The following MRPL55 variants were observed in gnomAD, a reference collection of about 807,000 sequenced individuals.
The protein encoded by MRPL55 is mitochondrial ribosomal protein L55.
MRPL55 carries 7 observed loss-of-function variants against 10.6 expected under a neutral mutation model. The observed-to-expected ratio is 0.66, with a 90% CI of 0.38 to 1.24. The LOEUF (loss-of-function observed/expected upper bound fraction) is 1.24. Among genes scored for constraint, MRPL55 ranks in the 50% most tolerant of loss-of-function variants. MRPL55 has a pLI of 0.02. For missense variants in MRPL55, 148 were observed against 180.3 expected (o/e 0.82, Z 1.03); for synonymous variants, 57 against 71.8 (o/e 0.79, Z 1.04).
In MRPL55 at chr1:228,108,235, C is replaced by G. The variant is rs2033409999; in HGVS notation, c.26G>C (p.Gly9Ala). 2 of 1,610,904 alleles carry G rather than the reference C, an allele frequency of 1.2e-6. No homozygotes were observed. The highest frequency in any genetic ancestry group is 1.3e-5 in the African/African-American group (1 of 74,880). Residue 9 changes from glycine (G) to alanine (A), a missense_variant and splice_region_variant, in exon 3 of 5, where the codon GGC (glycine) becomes GCC (alanine). Transcript: ENST00000336520. Reference protein sequence around the residue: MAAVGSLLGRLRQSTVKAT... With the variant: MAAVGSLLARLRQSTVKAT... ...CAGGGACCTAAAAGTCCATGCTTAC[C>G]CAAGCAGGCTGCCCACGGCCGCCAT...
intron 2 of MRPL55, 57 bp from the exon 3 acceptor site, chr1:228,108,375 GTTTC>G (rs1222540561): frequency 8.6e-7 from 1 of 1,160,396 alleles, no homozygotes; most frequent in Non-Finnish European, 1.2e-6. Context: ...CCACCTAATG[GTTTC>G]TTATCAAATC....
At chr1:228,107,611 C>T (rs1358637083) in intron 4 of MRPL55, 57 bp downstream of exon 4, 1 of 1,538,530 alleles carries the variant, frequency 6.5e-7, no homozygotes, top group Non-Finnish European at 8.9e-7. Flanking sequence ...ACCAGCACCC[C>T]CACCACAGCC....
At chr1:228,107,969 G>A (rs749117344) in intron 3 of MRPL55, 100 bp from the exon 4 acceptor site, 1 of 1,555,180 alleles carries the variant, frequency 6.4e-7, no homozygotes, top group South Asian at 1.2e-5. Flanking sequence ...GGCCACAGGA[G>A]ACATTACCAG....
chr1:228,108,066 C>G, intron 3 of MRPL55, 169 bp downstream of exon 3: 1 of 1,539,392 alleles, frequency 6.5e-7, no homozygotes, highest in African/African-American at 1.4e-5. Context: ...GGCCCCCTAG[C>G]CAGGAAGAGG....
In MRPL55 at chr1:228,108,222, A is replaced by C; in HGVS notation, c.26+13T>G. 6.2e-7 allele frequency: 1 copy of C among 1,610,254 alleles called. No homozygotes were observed. The highest frequency in any genetic ancestry group is 8.5e-7 in the Non-Finnish European group (1 of 1,178,598). On this transcript the variant is annotated intron_variant, in intron 3 of 4. Transcript: ENST00000336520. ...TGACAGTAATCCCCAGGGACCTAAA[A>C]GTCCATGCTTACCCAAGCAGGCTGC...
intron 4 of MRPL55, 21 bp downstream of exon 4, chr1:228,107,647 C>A (rs1330755778): frequency 1.2e-6 from 2 of 1,611,314 alleles, no homozygotes; most frequent in Non-Finnish European, 1.7e-6. Flanking sequence ...CACCTGGAAG[C>A]ACCTGGAGAG....
At chr1:228,108,018 C>A in intron 3 of MRPL55, 149 bp from the exon 4 acceptor site, 1 of 1,544,558 alleles carries the variant, frequency 6.5e-7, no homozygotes. Flanking sequence ...AGCCTCGGGG[C>A]TTCCTCAGGA....
At chr1:228,108,014 G>C in intron 3 of MRPL55, 145 bp from the exon 4 acceptor site, 1 of 1,544,468 alleles carries the variant, frequency 6.5e-7, no homozygotes, top group South Asian at 1.2e-5. Context: ...GATGAGCCTC[G>C]GGGCTTCCTC....
At chr1:228,107,919 T>C (rs2033348720) in intron 3 of MRPL55, 50 bp from the exon 4 acceptor site, 3 of 1,601,780 alleles carry the variant, frequency 1.9e-6, no homozygotes, top group Admixed American at 1.7e-5. Flanking sequence ...TGCAGCAGAG[T>C]GCCAACATGA....
chr1:228,108,358 G>A (rs2033423203), intron 2 of MRPL55, 40 bp from the exon 3 acceptor site: 1 of 1,328,262 alleles, frequency 7.5e-7, no homozygotes, highest in Non-Finnish European at 1.0e-6. Flanking sequence ...TTAAAAGGAA[G>A]GTTCTTCCAC....
Position 228,107,766 on chromosome 1 carries a change from G to A in MRPL55, c.130C>T (p.His44Tyr), listed in dbSNP as rs200917701. 380 of 1,613,162 alleles carry A rather than the reference G, an allele frequency of 2.4e-4. No homozygotes were observed. The highest frequency in any genetic ancestry group is 3.1e-4 in the Non-Finnish European group (370 of 1,180,038). ...DSSRASLTRV[H>Y]RQAYARLYPV... ...TAGAGTCGTGCATAAGCCTGGCGGT[G>A]CACACGAGTGAGTGAGGCCCTGCTG... is the stretch of plus-strand genomic sequence containing the variant. Residue 44 changes from histidine to tyrosine, a missense_variant, in exon 4 of 5, where the codon CAC (histidine) becomes TAC (tyrosine). Coordinates refer to ENST00000336520, the MANE Select transcript of MRPL55 (RefSeq NM_181463.3).
chr1:228,108,087 G>A, intron 3 of MRPL55, 148 bp downstream of exon 3: 1 of 1,534,872 alleles, frequency 6.5e-7, no homozygotes. Flanking sequence ...CTGCCAGGCT[G>A]AGCAAGGGCA....
intron 4 of MRPL55, among the ~76,000 whole-genome samples, chr1:228,107,158 C>T (rs1191330801): frequency 1.3e-5 from 2 of 152,214 alleles, no homozygotes; most frequent in Non-Finnish European, 2.9e-5. Flanking sequence ...CTCACTCATA[C>T]CTGTAATCCC....
chr1:228,107,958 G>A lies in MRPL55; in HGVS notation c.27-89C>T, dbSNP rs779801198. The A allele has an allele frequency of 1.3e-5, 21 of 1,563,880 alleles. No homozygotes were observed. In the East Asian group the frequency reaches 1.9e-4, roughly 14 times the overall value. ...AGGCTGGCTGTGATTGGGCACTGCCGGGCCACAGGAGACATTACCAGAGCT... is the reference window on the plus strand; with the variant it reads ...AGGCTGGCTGTGATTGGGCACTGCCAGGCCACAGGAGACATTACCAGAGCT... On this transcript the variant is annotated intron_variant, in intron 3 of 4. Coordinates refer to ENST00000336520, the MANE Select transcript of MRPL55 (RefSeq NM_181463.3).
intron 4 of MRPL55, 92 bp downstream of exon 4, chr1:228,107,576 C>T: frequency 2.6e-6 from 3 of 1,144,902 alleles, no homozygotes; most frequent in Non-Finnish European, 2.6e-6. Flanking sequence ...ACCACAGCCA[C>T]ATGTCCATCC....
intron 4 of MRPL55, 42 bp downstream of exon 4, chr1:228,107,626 C>A: frequency 6.3e-7 from 1 of 1,597,812 alleles, no homozygotes; most frequent in Non-Finnish European, 8.6e-7. Context: ...ACAGCCTCGA[C>A]CCCAGCCCGG....
At chr1:228,108,180 T>C in intron 3 of MRPL55, 55 bp downstream of exon 3, 4 of 1,579,622 alleles carry the variant, frequency 2.5e-6, no homozygotes, top group South Asian at 1.1e-5. Flanking sequence ...AAGAGAGGGG[T>C]TCCCTGGGGT....
At position 228,106,734 on chromosome 1, in the gene MRPL55, A is replaced by T; in HGVS notation, c.*26T>A. 6.3e-7 allele frequency: 1 copy of T among 1,593,026 alleles called. No individual in the cohort carries two copies. Among genetic ancestry groups the T allele is most frequent in the Non-Finnish European group, 8.6e-7 (1 of 1,166,050 alleles). ...TAAGAACAGCCCTCCCATCTTAGCA[A>T]TGTCCCGGGGTGGCTGGAGCCACGG... On this transcript the variant is annotated 3_prime_UTR_variant, in exon 5 of 5. Transcript: ENST00000336520.
chr1:228,106,985 C>T, intron 4 of MRPL55, 67 bp from the exon 5 acceptor site: 1 of 1,337,226 alleles, frequency 7.5e-7, no homozygotes, highest in Non-Finnish European at 1.0e-6. Context: ...GGGGGGACAG[C>T]CCAAGGCCTT....
Sources: allele counts gnomAD v4.1 joint callset (sites outside exome capture counted in the v4.1 genomes callset), GRCh38; gene constraint gnomAD v4.1.1; transcripts MANE v1.5; gene names NCBI Gene and HGNC (gene_info 2026-07-23, HGNC 2026-07-21).